THBS3: variants seen among roughly 807,000 people sequenced by gnomAD.
THBS3 encodes thrombospondin-3.
A neutral mutation model predicts 118.3 loss-of-function variants in THBS3; 78 were observed. That is an observed-to-expected ratio of 0.66 (90% CI 0.55 to 0.80). The LOEUF is 0.80. THBS3 is among the 30% of genes least tolerant of loss of function. The pLI is 0.00. For missense variants in THBS3, 1,057 were observed against 1,247.4 expected, an observed-to-expected ratio of 0.85 and a Z score of 2.30; for synonymous variants, 427 against 475.3, an observed-to-expected ratio of 0.90 and a Z score of 1.32.
In THBS3 at chr1:155,202,588, A is replaced by G. The variant is rs2066981; in HGVS notation, c.958-187T>C. 0.42 allele frequency among the ~76,000 whole-genome samples: 63,262 copies of G among 151,788 alleles called. 13,469 individuals carry two copies. Among genetic ancestry groups the G allele is most frequent in the Middle Eastern group, 0.49 (144 of 294 alleles). On this transcript the variant is annotated intron_variant, in intron 8 of 22. Transcript: ENST00000368378. The surrounding 1 kb of genome is among the most constrained non-coding windows in gnomAD (Gnocchi z 5.5). ...TCTCTCCCTCCCCATGCCACTGGTC[A>G]CCATCTCAAGCCTCCCCTGCAGTTT...
chr1:155,204,594 A>G (rs1425280817), intron 4 of THBS3, among the ~76,000 whole-genome samples: 1 of 152,026 alleles, frequency 6.6e-6, no homozygotes. Flanking sequence ...CCAAAAAAAA[A>G]AAAAATACTC....
Position 155,199,858 on chromosome 1 carries a change from T to G in THBS3, c.1828-2A>C. On this transcript the variant is annotated splice_acceptor_variant, in intron 15 of 22. Transcript: ENST00000368378. LOFTEE classifies it high-confidence loss of function. ...CACCAGGTCGCTGTCTGCATCTGTC[T>G]GAGAGAGAGGGACCTGTTCTCACCA... 1 of 1,614,216 alleles carries G rather than the reference T, an allele frequency of 6.2e-7. No homozygotes were observed. The highest frequency in any genetic ancestry group is 8.5e-7 in the Non-Finnish European group (1 of 1,180,026).
chr1:155,203,954 C>T (rs1670180780), intron 4 of THBS3, among the ~76,000 whole-genome samples: 1 of 152,058 alleles, frequency 6.6e-6, no homozygotes, highest in South Asian at 2.1e-4. Context: ...TCTCCTGCCT[C>T]CGCCTCCCAA....
rs745811597 is a variant in THBS3, at chr1:155,198,132, T to C, written c.2163A>G (p.Val721=). 2 of 1,614,188 alleles carry C rather than the reference T, an allele frequency of 1.2e-6. No individual in the cohort carries two copies. The highest frequency in any genetic ancestry group is 2.2e-5 in the South Asian group (2 of 91,090). Residue 721 remains valine, a synonymous_variant, in exon 18 of 23, where the codon GTA becomes GTG. Coordinates refer to ENST00000368378, the MANE Select transcript of THBS3 (RefSeq NM_007112.5). ...GATAGGCCCGAAAATCCGTAAGCGT[T>C]ACCTCTGCACTTTCAGGACACACAT... ...PLDVCPESAE[V]TLTDFRAYQT... is the part of the protein sequence containing the mutation.
At position 155,200,381 on chromosome 1, in the gene THBS3, C is replaced by T. The variant is rs1426683127; in HGVS notation, c.1708+70G>A. 31 of 1,563,748 alleles carry T rather than the reference C, an allele frequency of 2.0e-5. No individual in the cohort carries two copies. The Middle Eastern group carries it at 7.8e-4, about 39-fold the overall frequency. On this transcript the variant is annotated intron_variant, in intron 14 of 22. Coordinates refer to ENST00000368378, the MANE Select transcript of THBS3 (RefSeq NM_007112.5). ...TATTTCACAGAGACTTCCTAGCTTC[C>T]CTGCTTCATCCCCACCTGATCCAAA...
chr1:155,199,968 T>G, intron 15 of THBS3, 27 bp downstream of exon 15: 1 of 1,600,602 alleles, frequency 6.2e-7, no homozygotes, highest in Non-Finnish European at 8.5e-7. Flanking sequence ...CCCTCATCCC[T>G]CCCCTGTCCT....
Position 155,197,549 on chromosome 1 carries a change from A to C in THBS3, c.2413T>G (p.Tyr805Asp). ...LFSYQDSGRF[Y>D]VVMWKQTEQT... ...TCGGTCTGCTTCCACATGACTACGT[A>C]GAAGCGGCCACTGTCTTGATAACTG... Residue 805 changes from tyrosine to aspartate, a missense_variant, in exon 20 of 23, where the codon TAC (tyrosine) becomes GAC (aspartate). Physicochemically the swap from Tyr to Asp is radical, Grantham distance 160. Around this residue, in one of 3 missense-constraint regions of THBS3, gnomAD observed 307 missense variants for 326.1 expected, o/e 0.94. Coordinates refer to ENST00000368378, the MANE Select transcript of THBS3 (RefSeq NM_007112.5). This position sits in a 1 kb window ranked among gnomAD's most constrained non-coding sequence, Gnocchi z 5.0. The C allele has an allele frequency of 6.2e-7, 1 of 1,614,066 alleles. No individual in the cohort carries two copies. Among genetic ancestry groups the C allele is most frequent in the South Asian group, 1.1e-5 (1 of 91,082 alleles).
intron 10 of THBS3, 161 bp from the exon 11 acceptor site, chr1:155,201,730 G>T (rs1571900811): frequency 3.0e-6 from 3 of 999,550 alleles, no homozygotes; most frequent in East Asian, 2.6e-5. Flanking sequence ...GTGGATAACA[G>T]CCTCAGTTTT....
At chr1:155,209,009 C>A, upstream of THBS3, 1 of 1,591,276 alleles carries the variant, frequency 6.3e-7, no homozygotes, top group Non-Finnish European at 8.5e-7. Context: ...GCGCGCCGGG[C>A]CGACAGCGCT....
Position 155,198,204 on chromosome 1 carries a change from A to G in THBS3, c.2091T>C (p.Asp697=), listed in dbSNP as rs111412394. The G allele has an allele frequency of 3.7e-6, 6 of 1,614,158 alleles. No homozygotes were observed. In the South Asian group the frequency reaches 5.5e-5, roughly 15 times the overall value. ...QKDSDGNGVG[D]VCEDDFDNDA... The stretch of plus-strand genomic sequence containing the variant: ...CATTGTCAAAGTCATCCTCACACAC[A>G]TCACCAACGCCATTGCCTGGGCAGA... Residue 697 remains aspartate (D), a synonymous_variant, in exon 18 of 23, where the codon GAT becomes GAC. Coordinates refer to ENST00000368378, the MANE Select transcript of THBS3 (RefSeq NM_007112.5).
chr1:155,199,841 CGCTGTCTGCA>C lies in THBS3; in HGVS notation c.1833_1842del (p.Asp611GlufsTer108). ...GTATCACAGACATCCCCCACCAGGT[CGCTGTCTGCA>C]TCTGTCTGAGAGAGAGGGACCTGTT... On this transcript the variant is annotated frameshift_variant, in exon 16 of 23. Transcript: ENST00000368378. LOFTEE classifies it high-confidence loss of function. 1 of 1,614,234 alleles carries C rather than the reference CGCTGTCTGCA, an allele frequency of 6.2e-7. No homozygotes were observed. Among genetic ancestry groups the C allele is most frequent in the South Asian group, 1.1e-5 (1 of 91,086 alleles).
intron 2 of THBS3, 55 bp from the exon 3 acceptor site, chr1:155,205,371 C>G (rs1003004372): frequency 6.3e-7 from 1 of 1,587,346 alleles, no homozygotes; most frequent in Admixed American, 1.7e-5. Context: ...TGCCTCCCAG[C>G]TGAGCCTTGG....
At chr1:155,200,194 G>A in intron 14 of THBS3, 81 bp from the exon 15 acceptor site, 1 of 1,301,612 alleles carries the variant, frequency 7.7e-7, no homozygotes, top group Non-Finnish European at 1.1e-6. Flanking sequence ...CCCGAACTTT[G>A]TCTCCCCACC....
Position 155,197,506 on chromosome 1 carries a change from G to C in THBS3, c.2456C>G (p.Ala819Gly). 1 of 1,614,058 alleles carries C rather than the reference G, an allele frequency of 6.2e-7. No homozygotes were observed. The highest frequency in any genetic ancestry group is 8.5e-7 in the Non-Finnish European group (1 of 1,180,030). ...WKQTEQTYWQ[A>G]TPFRAVAQPG... ...CTGGGCAACCGCCCGGAAGGGTGTA[G>C]CCTGCCAGTAGGTCTGCTCGGTCTG... Residue 819 changes from alanine to glycine, a missense_variant, in exon 20 of 23, where the codon GCT (alanine) becomes GGT (glycine). Coordinates refer to ENST00000368378, the MANE Select transcript of THBS3 (RefSeq NM_007112.5). The surrounding 1 kb of genome is among the most constrained non-coding windows in gnomAD (Gnocchi z 5.0).
At chr1:155,208,089 C>T, upstream of THBS3, 1 of 579,008 alleles carries the variant, frequency 1.7e-6, no homozygotes, top group Non-Finnish European at 3.1e-6. Flanking sequence ...TGGAGGCCTC[C>T]CTGCTTTCTA....
Position 155,202,695 on chromosome 1 carries a change from CCT to C in THBS3, c.957+115_957+116del. The C allele has an allele frequency of 2.8e-6, 4 of 1,422,312 alleles. No individual in the cohort carries two copies. Among genetic ancestry groups the C allele is most frequent in the Non-Finnish European group, 2.8e-6 (3 of 1,054,086 alleles). 88.1% of individuals were successfully genotyped at this position (1,422,312 alleles called of 1,614,324 possible). On this transcript the variant is annotated intron_variant, in intron 8 of 22. Coordinates refer to ENST00000368378, the MANE Select transcript of THBS3 (RefSeq NM_007112.5). This position sits in a 1 kb window ranked among gnomAD's most constrained non-coding sequence, Gnocchi z 5.5. ...CATCTTGCATTTCTCTTGCCTCTGACCTCTCCTAAACTCCAGATTCCTCTCCT... is the reference window on the plus strand; with the variant it reads ...CATCTTGCATTTCTCTTGCCTCTGACCTCCTAAACTCCAGATTCCTCTCCT...
chr1:155,200,463 C>A lies in THBS3; in HGVS notation c.1696G>T (p.Val566Leu). ...NGEGDACDND[V>L]DGDGIPNGLD... ...CCCAGGCCTGCACCATCCCCATCCA[C>A]GTCGTTGTCACAGGCATCTCCTTCC... The change falls in exon 14 of 23, where the codon GTG becomes TTG. Residue 566 changes from valine (V) to leucine (L), a missense_variant. Val to Leu is a conservative substitution (Grantham distance 32). Around this residue, in one of 3 missense-constraint regions of THBS3, gnomAD observed 544 missense variants for 715.6 expected, o/e 0.76. Coordinates refer to ENST00000368378, the MANE Select transcript of THBS3 (RefSeq NM_007112.5). 1.2e-6 allele frequency: 2 copies of A among 1,614,060 alleles called. No individual in the cohort carries two copies. Among genetic ancestry groups the A allele is most frequent in the South Asian group, 1.1e-5 (1 of 91,060 alleles).
In THBS3 at chr1:155,202,523, T is replaced by C. The variant is rs1669925995; in HGVS notation, c.958-122A>G. ...GTGCAGCTCTCCCCACACAACTGCC[T>C]TGTGCTCCTGGTCCCCACCCCACTT... On this transcript the variant is annotated intron_variant, in intron 8 of 22. Transcript: ENST00000368378. This position sits in a 1 kb window ranked among gnomAD's most constrained non-coding sequence, Gnocchi z 5.5. 1.4e-6 allele frequency: 2 copies of C among 1,394,170 alleles called. No individual in the cohort carries two copies. Among genetic ancestry groups the C allele is most frequent in the Non-Finnish European group, 9.6e-7 (1 of 1,039,298 alleles). 86.4% of individuals were successfully genotyped at this position (1,394,170 alleles called of 1,614,324 possible).
At chr1:155,208,943 G>A, upstream of THBS3, 12 of 1,610,082 alleles carry the variant, frequency 7.5e-6, no homozygotes, top group Non-Finnish European at 1.0e-5. Flanking sequence ...TCCAGAGCCT[G>A]CCGCGCCTTC....
Sources: gnomAD v4.1 joint callset for allele counts (sites outside exome capture counted in the v4.1 genomes callset) on GRCh38, gnomAD v4.1.1 for gene constraint, gnomAD v4.1.1 regional missense constraint, Gnocchi (gnomAD v3.1) non-coding constraint, MANE v1.5 for transcripts, NCBI Gene and HGNC (gene_info 2026-07-23, HGNC 2026-07-21) for gene names.